Variants in SLC4A1AP observed in about 807,000 individuals in gnomAD.
SLC4A1AP encodes the protein solute carrier family 4 member 1 adaptor protein.
SLC4A1AP carries 64 observed loss-of-function variants against 89.7 expected under a neutral mutation model. That is an observed-to-expected ratio of 0.71 (90% CI 0.58 to 0.88). The LOEUF is 0.88. SLC4A1AP is among the 40% of genes least tolerant of loss of function. The pLI, the probability that SLC4A1AP is intolerant of heterozygous loss-of-function variation, is 0.00. For synonymous variants in SLC4A1AP, 366 were observed against 353.3 expected, an observed-to-expected ratio of 1.04 and a Z score of -0.40; for missense variants, 931 against 965.0, an observed-to-expected ratio of 0.96 and a Z score of 0.47.
chr2:27,681,291 G>C (rs1046125084), intron 8 of SLC4A1AP, among the ~76,000 whole-genome samples: 1 of 152,152 alleles, frequency 6.6e-6, no homozygotes, highest in African/African-American at 2.4e-5. Flanking sequence ...TTTATCTCTG[G>C]TAGGGAGAAA....
intron 10 of SLC4A1AP, among the ~76,000 whole-genome samples, chr2:27,685,782 C>T (rs1016628134): frequency 6.6e-5 from 10 of 152,082 alleles, no homozygotes; most frequent in African/African-American, 2.4e-4. Context: ...CATATCCACC[C>T]GCCTCAGCAA....
intron 1 of SLC4A1AP, 40 bp from the exon 2 acceptor site, chr2:27,665,060 T>C (rs759856371): frequency 1.3e-6 from 2 of 1,535,970 alleles, no homozygotes; most frequent in Non-Finnish European, 1.8e-6. Context: ...AGACCCTGTC[T>C]CTAAATAAAT....
chr2:27,688,106 G>A (rs1675733604), intron 11 of SLC4A1AP, 86 bp downstream of exon 11: 2 of 1,060,312 alleles, frequency 1.9e-6, no homozygotes, highest in Non-Finnish European at 1.4e-6. Context: ...CTGACCTGAA[G>A]GCAGCACAGA....
At chr2:27,693,789 C>A (rs1199520912) in intron 13 of SLC4A1AP, 35 bp downstream of exon 13, 2 of 1,507,054 alleles carry the variant, frequency 1.3e-6, no homozygotes, top group East Asian at 2.3e-5. Flanking sequence ...CTCTAAGGTT[C>A]ATTTATTTAT....
intron 5 of SLC4A1AP, among the ~76,000 whole-genome samples, chr2:27,675,217 G>T (rs944372956): frequency 6.6e-6 from 1 of 152,038 alleles, no homozygotes; most frequent in Non-Finnish European, 1.5e-5. Context: ...ACTGAAATTG[G>T]TATCTGTTAA....
chr2:27,669,375 C>T (rs576630849), exon 5 of SLC4A1AP: 6 of 1,609,464 alleles, frequency 3.7e-6, no homozygotes, highest in Middle Eastern at 1.7e-4. Flanking sequence ...GGGATTGCTT[C>T]GGCAGGAAGC....
At position 27,665,361 on chromosome 2, in the gene SLC4A1AP, GT is replaced by G. The variant is rs368871912; in HGVS notation, c.1021+73del. On this transcript the variant is annotated intron_variant, in intron 2 of 13. Transcript: ENST00000613058. ...TTCATTACAAGTGGTACCCTTAAAT[GT>G]TTTTTTAAATCATACAGCTTTTCAT... 31 of 1,380,936 alleles carry G rather than the reference GT, an allele frequency of 2.2e-5. No homozygotes were observed. The East Asian group carries it at 6.1e-4, about 27-fold the overall frequency. 85.5% of individuals were successfully genotyped at this position (1,380,936 alleles called of 1,614,324 possible). A position where few individuals can be genotyped will look rare whatever the true frequency, so the allele number is the denominator to read the frequency against.
chr2:27,684,331 G>A (rs533479447), intron 9 of SLC4A1AP, among the ~76,000 whole-genome samples: 1 of 151,834 alleles, frequency 6.6e-6, no homozygotes, highest in African/African-American at 2.4e-5. Context: ...AGGAGGCTGA[G>A]GCAGGAGAAT....
chr2:27,689,370 C>T (rs1303803266), intron 12 of SLC4A1AP, among the ~76,000 whole-genome samples: 3 of 152,216 alleles, frequency 2.0e-5, no homozygotes, highest in South Asian at 2.1e-4. Context: ...AGGTCATTCA[C>T]GAGAGGACCC....
intron 2 of SLC4A1AP, among the ~76,000 whole-genome samples, chr2:27,666,772 G>A (rs1405446934): frequency 6.6e-6 from 1 of 151,902 alleles, no homozygotes; most frequent in Non-Finnish European, 1.5e-5. Context: ...TAGAAAACCT[G>A]AATATGCTCA....
chr2:27,666,744 T>G (rs1675333492), intron 2 of SLC4A1AP, among the ~76,000 whole-genome samples: 1 of 152,064 alleles, frequency 6.6e-6, no homozygotes, highest in Admixed American at 6.5e-5. Context: ...AAAACAAGTT[T>G]TGACTTGTCA....
At chr2:27,679,606 A>C (rs1675586241) in intron 8 of SLC4A1AP, among the ~76,000 whole-genome samples, 1 of 152,230 alleles carries the variant, frequency 6.6e-6, no homozygotes, top group Non-Finnish European at 1.5e-5. Context: ...CATCTCAAAA[A>C]AATAAATAAA....
At chr2:27,669,331 G>A (rs1297151419) in exon 5 of SLC4A1AP, 12 of 1,613,650 alleles carry the variant, frequency 7.4e-6, no homozygotes, top group Non-Finnish European at 9.3e-6. Context: ...ATGATCCAGT[G>A]CTCATTGGAA....
At chr2:27,687,856 C>A in intron 10 of SLC4A1AP, 78 bp from the exon 11 acceptor site, 1 of 1,076,912 alleles carries the variant, frequency 9.3e-7, no homozygotes, top group Non-Finnish European at 1.4e-6. Flanking sequence ...TTCTCTTTCT[C>A]TTGTTTTTGT....
At chr2:27,664,430 C>T in exon 1 of SLC4A1AP, 1 of 1,614,220 alleles carries the variant, frequency 6.2e-7, no homozygotes, top group African/African-American at 1.3e-5. Context: ...AATGCGACAG[C>T]AACGGGCCGG....
intron 12 of SLC4A1AP, chr2:27,693,480 G>C (rs528203480): frequency 3.6e-4 from 197 of 542,608 alleles, no homozygotes; most frequent in Non-Finnish European, 5.7e-4. Flanking sequence ...TGGTCTGGTA[G>C]TGACAAATTC....
chr2:27,664,071 G>A, exon 1 of SLC4A1AP: 1 of 1,614,220 alleles, frequency 6.2e-7, no homozygotes, highest in African/African-American at 1.3e-5. Flanking sequence ...AGGGCCCACT[G>A]CGTTGCAGGA....
At chr2:27,667,016 C>T (rs1297492853) in intron 2 of SLC4A1AP, among the ~76,000 whole-genome samples, 1 of 151,854 alleles carries the variant, frequency 6.6e-6, no homozygotes, top group African/African-American at 2.4e-5. Flanking sequence ...TACAGACACC[C>T]GCCACTGTGC....
intron 1 of SLC4A1AP, 138 bp from the exon 2 acceptor site, chr2:27,664,962 T>G (rs1003813769): frequency 3.4e-6 from 2 of 589,258 alleles, no homozygotes; most frequent in Admixed American, 3.4e-5. Flanking sequence ...GAGGCTGAGG[T>G]GGGAGGATCA....
Sources: gnomAD v4.1 joint callset for allele counts (sites outside exome capture counted in the v4.1 genomes callset) on GRCh38, gnomAD v4.1.1 for gene constraint, MANE v1.5 for transcripts, NCBI Gene and HGNC (gene_info 2026-07-23, HGNC 2026-07-21) for gene names.